Variants in SNX29 observed in about 807,000 individuals in gnomAD.
SNX29 encodes sorting nexin-29.
Under a neutral mutation model 102.1 loss-of-function variants are expected in SNX29, and 78 were observed. The ratio of observed to expected loss-of-function variants is 0.76; its 90% CI spans 0.64 to 0.92. The LOEUF (loss-of-function observed/expected upper bound fraction) is 0.92, where lower values mean the gene tolerates loss of function less well. Ranked by LOEUF, SNX29 falls within the 40% of genes least tolerant of loss-of-function variation. The pLI is 0.00. For synonymous variants in SNX29, 580 were observed against 414.5 expected (o/e 1.40, Z -4.85); for missense variants, 1,280 against 1,061.7 (o/e 1.21, Z -2.86).
At chr16:12,305,593 T>C (rs1180677844) in intron 15 of SNX29, among the ~76,000 whole-genome samples, 3 of 152,218 alleles carry the variant, frequency 2.0e-5, no homozygotes, top group Non-Finnish European at 1.5e-5. Context: ...TCTCCATAGA[T>C]TTATTTTTTT....
intron 18 of SNX29, among the ~76,000 whole-genome samples, chr16:12,421,328 A>G (rs2084862421): frequency 6.6e-6 from 1 of 152,200 alleles, no homozygotes; most frequent in South Asian, 2.1e-4. Context: ...ACAAGTCCAG[A>G]CAAAGATTTA....
At chr16:12,378,883 C>CA (rs747952592) in intron 16 of SNX29, among the ~76,000 whole-genome samples, 1 of 152,182 alleles carries the variant, frequency 6.6e-6, no homozygotes, top group East Asian at 1.9e-4. Context: ...AGAGAAAGAG[C>CA]AAGTCTCTGC....
intron 15 of SNX29, among the ~76,000 whole-genome samples, chr16:12,344,884 A>G (rs566388062): frequency 6.6e-6 from 1 of 152,366 alleles, no homozygotes; most frequent in South Asian, 2.1e-4. Flanking sequence ...TTTTGAAAGG[A>G]GAGGCCAGCA....
chr16:12,441,838 G>A (rs1243338035), intron 18 of SNX29, among the ~76,000 whole-genome samples: 2 of 152,244 alleles, frequency 1.3e-5, no homozygotes, highest in Admixed American at 6.5e-5. Context: ...ACCCAGGCTG[G>A]CGTGCAGTGG....
intron 12 of SNX29, among the ~76,000 whole-genome samples, chr16:12,129,392 G>T (rs2054355139): frequency 1.3e-5 from 2 of 152,182 alleles, no homozygotes; most frequent in South Asian, 4.1e-4. Context: ...TGGCCTGCTC[G>T]CAGGCAATCA....
intron 18 of SNX29, among the ~76,000 whole-genome samples, chr16:12,433,436 G>T (rs868548611): frequency 6.6e-6 from 1 of 152,036 alleles, no homozygotes; most frequent in Non-Finnish European, 1.5e-5. Context: ...TTTGAGACCA[G>T]CCTGGCCAGT....
chr16:12,200,286 C>T (rs942614023), intron 14 of SNX29, among the ~76,000 whole-genome samples: 6 of 152,086 alleles, frequency 3.9e-5, no homozygotes, highest in African/African-American at 1.4e-4. Context: ...TCATGAAGAT[C>T]TTGCCAAATG....
At chr16:12,477,498 G>A (rs960522706) in intron 18 of SNX29, among the ~76,000 whole-genome samples, 2 of 152,198 alleles carry the variant, frequency 1.3e-5, no homozygotes, top group Non-Finnish European at 2.9e-5. Context: ...CATACAGTAT[G>A]TTCTTCCCAT....
At chr16:12,540,078 C>G (rs563609718) in intron 20 of SNX29, among the ~76,000 whole-genome samples, 56 of 152,304 alleles carry the variant, frequency 3.7e-4, no homozygotes, top group Middle Eastern at 3.4e-3. Context: ...GGTGTCATGT[C>G]TACCAATTGT....
chr16:12,562,971 T>TA (rs150844642), intron 20 of SNX29, among the ~76,000 whole-genome samples: 8 of 151,742 alleles, frequency 5.3e-5, no homozygotes, highest in African/African-American at 1.9e-4. Context: ...ACACAAGGGG[T>TA]GAGGGCTGAT....
chr16:12,162,063 C>A (rs1055113101), intron 13 of SNX29, among the ~76,000 whole-genome samples: 3 of 152,202 alleles, frequency 2.0e-5, no homozygotes, highest in Admixed American at 2.0e-4. Flanking sequence ...TTAAACCTCA[C>A]CATCAACCCC....
chr16:12,413,429 C>G (rs904803941), intron 18 of SNX29, among the ~76,000 whole-genome samples: 1 of 151,776 alleles, frequency 6.6e-6, no homozygotes, highest in Non-Finnish European at 1.5e-5. Flanking sequence ...TCCTGACTTA[C>G]CGAATGGCAG....
chr16:12,252,836 G>A (rs879877227), intron 14 of SNX29, among the ~76,000 whole-genome samples: 2 of 152,234 alleles, frequency 1.3e-5, no homozygotes, highest in Non-Finnish European at 2.9e-5. Flanking sequence ...GCAGCACGGT[G>A]CCCACAGTGA....
chr16:12,327,920 G>A (rs754317368), intron 15 of SNX29, among the ~76,000 whole-genome samples: 5 of 152,122 alleles, frequency 3.3e-5, no homozygotes, highest in East Asian at 1.9e-4. Context: ...TCATGGCACC[G>A]TCCTGTGGAT....
intron 14 of SNX29, among the ~76,000 whole-genome samples, chr16:12,218,978 G>A (rs1199425343): frequency 2.0e-5 from 3 of 152,110 alleles, no homozygotes; most frequent in Non-Finnish European, 4.4e-5. Context: ...GTTTCACTGT[G>A]TTAGCCAGGT....
intron 3 of SNX29, among the ~76,000 whole-genome samples, chr16:12,025,717 G>C (rs1238094563): frequency 6.6e-6 from 1 of 152,238 alleles, no homozygotes; most frequent in Non-Finnish European, 1.5e-5. Context: ...GAATGCTGTG[G>C]ATTTGCTGAT....
chr16:12,553,652 G>T (rs1021392178), intron 20 of SNX29, among the ~76,000 whole-genome samples: 2 of 144,834 alleles, frequency 1.4e-5, no homozygotes, highest in Non-Finnish European at 3.0e-5. Flanking sequence ...GTGCAATGAC[G>T]TGATCTTGGC....
At chr16:12,403,920 C>T (rs112437505) in intron 18 of SNX29, among the ~76,000 whole-genome samples, 2 of 152,148 alleles carry the variant, frequency 1.3e-5, no homozygotes, top group African/African-American at 4.8e-5. Flanking sequence ...GTGACCCTCT[C>T]AGGCCAGCTG....
At chr16:12,411,397 A>G (rs12597864) in intron 18 of SNX29, among the ~76,000 whole-genome samples, 5,220 of 152,266 alleles carry the variant, frequency 0.034, 171 homozygotes, top group East Asian at 0.19. Context: ...GGATCATAGC[A>G]CATGAACCCC....
Sources: gnomAD v4.1 joint callset for allele counts (sites outside exome capture counted in the v4.1 genomes callset) on GRCh38, gnomAD v4.1.1 for gene constraint, MANE v1.5 for transcripts, NCBI Gene and HGNC (gene_info 2026-07-23, HGNC 2026-07-21) for gene names.